The following SUSD1 variants were observed in gnomAD, a reference collection of about 807,000 sequenced individuals.
SUSD1 encodes sushi domain containing 1.
In SUSD1, 65 loss-of-function variants were observed where a neutral mutation model predicts 86.9. The ratio of observed to expected loss-of-function variants is 0.75; its 90% CI spans 0.61 to 0.92. The LOEUF is 0.92. Among genes scored for constraint, SUSD1 ranks in the 40% least tolerant of loss-of-function variants. SUSD1 has a pLI of 0.00. For synonymous variants in SUSD1, 346 were observed against 350.0 expected, an observed-to-expected ratio of 0.99 and a Z score of 0.13; for missense variants, 850 against 929.7, an observed-to-expected ratio of 0.91 and a Z score of 1.11.
At chr9:112,115,243 ACTGACCTCT>A (rs1831263767) in intron 6 of SUSD1, among the ~76,000 whole-genome samples, 1 of 152,154 alleles carries the variant, frequency 6.6e-6, no homozygotes, top group Non-Finnish European at 1.5e-5. Context: ...ACCCAGATCT[ACTGACCTCT>A]CTGCCCAAAG....
rs1443784363 is a variant in SUSD1, at chr9:112,078,699, T to C, written c.1592A>G (p.Tyr531Cys). The C allele has an allele frequency of 1.2e-6, 2 of 1,613,364 alleles. No homozygotes were observed. The highest frequency in any genetic ancestry group is 2.7e-5 in the African/African-American group (2 of 74,874). ...CATTTCCTGGGCAAATTCCTTCTGA[T>C]ACCATCTCTGGCCCCAAATGTGGAA... Reference protein sequence around the residue: ...YLFHIWGQRWYQKEFAQEMTF... With the variant: ...YLFHIWGQRWCQKEFAQEMTF... The change falls in exon 12 of 17, where the codon TAT becomes TGT. Residue 531 changes from tyrosine to cysteine, a missense_variant. Tyr to Cys is a radical substitution (Grantham distance 194, BLOSUM62 -2). Transcript: ENST00000374270.
intron 8 of SUSD1, among the ~76,000 whole-genome samples, chr9:112,105,178 A>G (rs1830785082): frequency 6.6e-6 from 1 of 152,210 alleles, no homozygotes; most frequent in African/African-American, 2.4e-5. Context: ...GGAAATGTCA[A>G]TGCAAAAATG....
chr9:112,163,362 C>A (rs1465675258), intron 1 of SUSD1, among the ~76,000 whole-genome samples: 1 of 151,928 alleles, frequency 6.6e-6, no homozygotes, highest in Non-Finnish European at 1.5e-5. Context: ...AGACAGGATC[C>A]CACTATGTTG....
chr9:112,174,956 C>G (rs1415458387), intron 1 of SUSD1, among the ~76,000 whole-genome samples, 177 bp downstream of exon 1: 2 of 151,584 alleles, frequency 1.3e-5, no homozygotes, highest in Non-Finnish European at 2.9e-5. Context: ...GAGCCCCCCG[C>G]TTCTCTGAGC....
chr9:112,104,051 C>A (rs6477880), intron 8 of SUSD1, among the ~76,000 whole-genome samples: 2 of 151,558 alleles, frequency 1.3e-5, no homozygotes, highest in Non-Finnish European at 2.9e-5. Context: ...TCTTCTCTCT[C>A]TTTTTTTAAA....
intron 14 of SUSD1, among the ~76,000 whole-genome samples, chr9:112,052,850 G>A (rs958593413): frequency 3.9e-5 from 6 of 152,174 alleles, no homozygotes; most frequent in African/African-American, 1.4e-4. Flanking sequence ...GCAAAGCTAT[G>A]AGAAGTCCCA....
intron 1 of SUSD1, among the ~76,000 whole-genome samples, chr9:112,167,046 C>A (rs933349086): frequency 4.6e-5 from 7 of 152,066 alleles, no homozygotes; most frequent in Non-Finnish European, 8.8e-5. Flanking sequence ...GTGTCTCAAC[C>A]AGAGTCAGGG....
chr9:112,126,479 T>C (rs1422095841), intron 5 of SUSD1, among the ~76,000 whole-genome samples: 1 of 152,200 alleles, frequency 6.6e-6, no homozygotes, highest in Non-Finnish European at 1.5e-5. Flanking sequence ...TATCACCCAA[T>C]TGATAAGAAA....
At chr9:112,076,396 G>A (rs1829513240) in intron 12 of SUSD1, among the ~76,000 whole-genome samples, 2 of 152,212 alleles carry the variant, frequency 1.3e-5, no homozygotes, top group African/African-American at 2.4e-5. Context: ...GAAATTTGGG[G>A]ATGGGATAGA....
At chr9:112,145,295 T>C (rs1257278941) in intron 3 of SUSD1, among the ~76,000 whole-genome samples, 2 of 134,832 alleles carry the variant, frequency 1.5e-5, no homozygotes, top group Non-Finnish European at 3.2e-5. Context: ...TTTTTTTTTT[T>C]TTGAGACAGA....
At chr9:112,149,475 G>C (rs1832953567) in intron 2 of SUSD1, 76 bp from the exon 3 acceptor site, 1 of 1,540,838 alleles carries the variant, frequency 6.5e-7, no homozygotes, top group Non-Finnish European at 8.8e-7. Context: ...GTCCTCCCAT[G>C]CTATGGACTC....
intron 5 of SUSD1, among the ~76,000 whole-genome samples, chr9:112,135,883 C>T (rs1832242373): frequency 6.6e-6 from 1 of 152,298 alleles, no homozygotes; most frequent in South Asian, 2.1e-4. Flanking sequence ...CATTTTATTC[C>T]CTTCCACAAA....
intron 3 of SUSD1, among the ~76,000 whole-genome samples, chr9:112,146,824 T>C (rs1832828163): frequency 1.3e-5 from 2 of 152,122 alleles, no homozygotes; most frequent in Admixed American, 6.6e-5. Flanking sequence ...TTTGTAAAGA[T>C]GAAGTCTCAT....
rs777679698 is a variant in SUSD1, at chr9:112,148,043, G to A, written c.373+1201C>T. Reference sequence around the variant, plus strand: ...GATTCTGCCTTGGTACAGGTCAAGAGGGAGGATGAATCCGAGCATAAGAAC... The same window carrying A: ...GATTCTGCCTTGGTACAGGTCAAGAAGGAGGATGAATCCGAGCATAAGAAC... On this transcript the variant is annotated intron_variant, in intron 3 of 16. Transcript: ENST00000374270. Among the ~76,000 whole-genome samples, 4 of 152,322 alleles carry A rather than the reference G, an allele frequency of 2.6e-5. No homozygotes were observed. In the East Asian group the frequency reaches 5.8e-4, roughly 22 times the overall value.
At chr9:112,154,491 CA>C (rs2131809730) in intron 2 of SUSD1, among the ~76,000 whole-genome samples, 1 of 152,172 alleles carries the variant, frequency 6.6e-6, no homozygotes, top group Admixed American at 6.5e-5. Context: ...CCAGCCTGGA[CA>C]ACAGAGTGAG....
chr9:112,100,954 A>G (rs753098696), intron 9 of SUSD1, among the ~76,000 whole-genome samples: 6 of 151,990 alleles, frequency 3.9e-5, no homozygotes, highest in Non-Finnish European at 5.9e-5. Flanking sequence ...ACTTTTTGTC[A>G]AAGCACTCAT....
intron 5 of SUSD1, among the ~76,000 whole-genome samples, chr9:112,140,580 A>G (rs1231046612): frequency 6.6e-6 from 1 of 152,158 alleles, no homozygotes; most frequent in African/African-American, 2.4e-5. Context: ...CAGAAAGCCA[A>G]AATTTTTAAA....
chr9:112,130,656 T>C (rs555227446), intron 5 of SUSD1, among the ~76,000 whole-genome samples: 1 of 151,446 alleles, frequency 6.6e-6, no homozygotes, highest in African/African-American at 2.4e-5. Context: ...AGAGAGAATA[T>C]AGCATTCATT....
chr9:112,159,662 T>C (rs1833482734), intron 1 of SUSD1, among the ~76,000 whole-genome samples: 1 of 152,124 alleles, frequency 6.6e-6, no homozygotes, highest in African/African-American at 2.4e-5. Context: ...CCTAAATAAT[T>C]CTTAGGACAA....
Sources: allele counts gnomAD v4.1 joint callset (sites outside exome capture counted in the v4.1 genomes callset), GRCh38; gene constraint gnomAD v4.1.1; transcripts MANE v1.5; gene names NCBI Gene and HGNC (gene_info 2026-07-23, HGNC 2026-07-21).